The following RHOBTB2 variants were observed in gnomAD, a reference collection of about 807,000 sequenced individuals.
RHOBTB2 encodes the protein rho-related BTB domain-containing protein 2.
In RHOBTB2, 39 loss-of-function variants were observed where a neutral mutation model predicts 66.5. That is an observed-to-expected ratio of 0.59 (90% CI 0.45 to 0.77). The LOEUF (loss-of-function observed/expected upper bound fraction) is 0.77. RHOBTB2 is among the 30% of genes least tolerant of loss of function. The pLI is 0.00. For synonymous variants in RHOBTB2, 390 were observed against 395.0 expected (o/e 0.99, Z 0.15); for missense variants, 755 against 999.1 (o/e 0.76, Z 3.29).
upstream of RHOBTB2, among the ~76,000 whole-genome samples, chr8:22,996,088 C>T (rs1430011154): frequency 6.6e-6 from 1 of 152,204 alleles, no homozygotes; most frequent in Non-Finnish European, 1.5e-5. Context: ...TTCTCTTTCC[C>T]CAGAAAAGCC....
chr8:22,977,310 T>G, the RHOBTB2 span, among the ~76,000 whole-genome samples: 1 of 152,108 alleles, frequency 6.6e-6, no homozygotes, highest in African/African-American at 2.4e-5. Context: ...CCAGGTGTAG[T>G]GACTCATGCC....
chr8:22,981,977 G>C, the RHOBTB2 span, among the ~76,000 whole-genome samples: 1 of 152,202 alleles, frequency 6.6e-6, no homozygotes, highest in African/African-American at 2.4e-5. Flanking sequence ...GCCCCTACCA[G>C]GATCTTAAGG....
At chr8:22,996,499 GTGTGTGTGTGTGTGTGT>G (rs1810562903), upstream of RHOBTB2, among the ~76,000 whole-genome samples, 1 of 692 alleles carries the variant, frequency 1.4e-3, no homozygotes, top group Non-Finnish European at 4.1e-3. Flanking sequence ...GAGGGCTGGT[GTGTGTGTGTGTGTGTGT>G]GTGTGTGTGT....
intron 1 of RHOBTB2, among the ~76,000 whole-genome samples, chr8:22,991,455 G>A (rs576099210): frequency 2.0e-5 from 3 of 152,252 alleles, no homozygotes; most frequent in Non-Finnish European, 2.9e-5. Flanking sequence ...AGAAAAGAGG[G>A]GTCTGTGAAG....
chr8:23,008,012 T>G lies in RHOBTB2; in HGVS notation c.1521T>G (p.Asp507Glu). ...GGACAGATGTGACCTTCATCCTGGA[T>G]GATGGCACCATCAGCGCCCACAAGC... ...GTFSDVTFILDDGTISAHKPL... is the reference protein window; with the variant it reads ...GTFSDVTFILEDGTISAHKPL... The change falls in exon 6 of 10, where the codon GAT becomes GAG. Residue 507 changes from aspartate to glutamate, a missense_variant. Physicochemically the swap from Asp to Glu is conservative, Grantham distance 45 (BLOSUM62 2). Transcript: ENST00000251822. 1 of 1,613,882 alleles carries G rather than the reference T, an allele frequency of 6.2e-7. No individual in the cohort carries two copies. The highest frequency in any genetic ancestry group is 8.5e-7 in the Non-Finnish European group (1 of 1,179,938).
chr8:23,002,639 G>C (rs1416607314), intron 1 of RHOBTB2, among the ~76,000 whole-genome samples: 1 of 152,152 alleles, frequency 6.6e-6, no homozygotes, highest in Admixed American at 6.5e-5. Flanking sequence ...GCAGTGAGCC[G>C]AGATCATGCC....
chr8:22,995,349 G>A (rs1810520473), upstream of RHOBTB2, among the ~76,000 whole-genome samples: 1 of 152,224 alleles, frequency 6.6e-6, no homozygotes, highest in South Asian at 2.1e-4. Flanking sequence ...GGAGTTCTCA[G>A]TACAATCAAG....
At chr8:22,998,728 A>C, upstream of RHOBTB2, among the ~76,000 whole-genome samples, 1 of 136,528 alleles carries the variant, frequency 7.3e-6, no homozygotes, top group African/African-American at 3.6e-5. Flanking sequence ...GAGACTCAAA[A>C]AAAAAAAAAA....
the RHOBTB2 span, among the ~76,000 whole-genome samples, chr8:22,957,662 CA>C: frequency 1.3e-5 from 2 of 152,182 alleles, no homozygotes; most frequent in Admixed American, 6.5e-5. Flanking sequence ...TAACAGGGCA[CA>C]GGGGGAAGGT....
At position 23,010,618 on chromosome 8, in the gene RHOBTB2, C is replaced by T. The variant is rs145761272; in HGVS notation, c.1701C>T (p.Pro567=). The change falls in exon 7 of 10, where the codon CCC becomes CCT. Residue 567 remains proline (P), a synonymous_variant. Coordinates refer to ENST00000251822, the MANE Select transcript of RHOBTB2 (RefSeq NM_015178.3). ...YLYTGMFTSS[P]DLDDMKLIIL... is the part of the protein sequence containing the mutation. ...ACACCGGCATGTTCACCTCCAGCCC[C>T]GACCTGGATGACATGAAGCTCATCA... The T allele has an allele frequency of 8.7e-5, 140 of 1,614,212 alleles. No homozygotes were observed. In the African/African-American group the frequency reaches 1.5e-3, roughly 17 times the overall value.
chr8:22,981,179 T>C, the RHOBTB2 span, among the ~76,000 whole-genome samples: 8 of 152,268 alleles, frequency 5.3e-5, no homozygotes, highest in Non-Finnish European at 1.0e-4. Flanking sequence ...TACGATCTCA[T>C]TTCCTGTTGT....
rs774442733 is a variant in RHOBTB2 at position 23,017,494 on chromosome 8, T to A, written c.*25T>A. The A allele has an allele frequency of 6.7e-5, 104 of 1,557,894 alleles. No homozygotes were observed. Among genetic ancestry groups the A allele is most frequent in the Non-Finnish European group, 8.9e-5 (102 of 1,151,120 alleles). On this transcript the variant is annotated 3_prime_UTR_variant, in exon 10 of 10. Coordinates refer to ENST00000251822, the MANE Select transcript of RHOBTB2 (RefSeq NM_015178.3). This position sits in a 1 kb window ranked among gnomAD's most constrained non-coding sequence, Gnocchi z 5.3. ...AGATGCTGCCACCCTCTTCTGACCC[T>A]GCTGCTGTTGTCCCCATCCGCCTTC...
chr8:22,994,357 T>C (rs1034420665), intron 2 of RHOBTB2, among the ~76,000 whole-genome samples: 3 of 152,208 alleles, frequency 2.0e-5, no homozygotes, highest in African/African-American at 7.2e-5. Context: ...TCTAGTCCCT[T>C]GACTCCCTGG....
At chr8:22,990,733 GAACCGTGT>G (rs1405170363) in intron 1 of RHOBTB2, among the ~76,000 whole-genome samples, 2 of 152,150 alleles carry the variant, frequency 1.3e-5, no homozygotes, top group African/African-American at 4.8e-5. Context: ...GAGGCACCCT[GAACCGTGT>G]GTCCAATGGG....
intron 9 of RHOBTB2, among the ~76,000 whole-genome samples, chr8:23,016,029 A>G (rs1357577093): frequency 6.6e-6 from 1 of 152,236 alleles, no homozygotes. Context: ...CGTAAGAAAT[A>G]CATTTCATCT....
At chr8:23,000,512 C>T (rs1810741506) in intron 1 of RHOBTB2, among the ~76,000 whole-genome samples, 1 of 152,178 alleles carries the variant, frequency 6.6e-6, no homozygotes. Context: ...TTGAACTCAA[C>T]TCCATTGCAG....
the RHOBTB2 span, among the ~76,000 whole-genome samples, chr8:22,968,877 C>A: frequency 6.6e-6 from 1 of 150,784 alleles, no homozygotes. Flanking sequence ...GAGGGAAAGG[C>A]CTTTCTAAGA....
intron 6 of RHOBTB2, among the ~76,000 whole-genome samples, chr8:23,008,329 G>A (rs1811036062): frequency 6.6e-6 from 1 of 152,148 alleles, no homozygotes; most frequent in South Asian, 2.1e-4. Context: ...AGTTTAGAAA[G>A]CACTTTCTGT....
the RHOBTB2 span, among the ~76,000 whole-genome samples, chr8:22,967,537 A>C: frequency 6.9e-6 from 1 of 145,178 alleles, no homozygotes; most frequent in African/African-American, 2.5e-5. Context: ...GCTTGAACCC[A>C]GGAGGCAGAG....
Sources: gnomAD v4.1 joint callset for allele counts (sites outside exome capture counted in the v4.1 genomes callset) on GRCh38, gnomAD v4.1.1 for gene constraint, Gnocchi (gnomAD v3.1) non-coding constraint, MANE v1.5 for transcripts, NCBI Gene and HGNC (gene_info 2026-07-23, HGNC 2026-07-21) for gene names.